The following ASAH1 variants were observed in gnomAD, a reference collection of about 807,000 sequenced individuals.
ASAH1 encodes the protein N-acylsphingosine amidohydrolase 1, also known as acid ceramidase.
Under a neutral mutation model 59.5 loss-of-function variants are expected in ASAH1, and 70 were observed. That is an observed-to-expected ratio of 1.18 (90% CI 0.97 to 1.43). The LOEUF is 1.43. Ranked by LOEUF, ASAH1 falls within the 40% of genes most tolerant of loss-of-function variation. The pLI is 0.00. For synonymous variants in ASAH1, 213 were observed against 166.5 expected (o/e 1.28, Z -2.15); for missense variants, 660 against 482.5 (o/e 1.37, Z -3.45).
chr8:18,069,672 G>C, intron 4 of ASAH1, 120 bp downstream of exon 4: 1 of 707,180 alleles, frequency 1.4e-6, no homozygotes, highest in East Asian at 2.7e-5. Context: ...CTGACAGTGA[G>C]CTAGATTCAT....
At chr8:18,064,431 CCCA>C in intron 6 of ASAH1, 23 bp downstream of exon 6, 21 of 1,178,122 alleles carry the variant, frequency 1.8e-5, no homozygotes, top group Non-Finnish European at 2.4e-5. Context: ...CTTCATGCTG[CCCA>C]CCCTCCCTCA....
rs1800712120 is a variant in ASAH1 at position 18,082,823 on chromosome 8, T to C, written c.78+1158A>G. Among the ~76,000 whole-genome samples, 6 of 152,152 alleles carry C rather than the reference T, an allele frequency of 3.9e-5. 1 individual carries two copies. In the South Asian group the frequency reaches 1.2e-3, roughly 32 times the overall value. On this transcript the variant is annotated intron_variant, in intron 1 of 13. Coordinates refer to ENST00000637790, the MANE Select transcript of ASAH1 (RefSeq NM_177924.5). The stretch of plus-strand genomic sequence containing the variant: ...GTCTTTCAATGAAGGGCCCTGACAG[T>C]ATCAAAGTATCAAAGTCTCTCCCAA...
rs1799477216 is a variant in ASAH1, at chr8:18,056,541, C to T, written c.*993G>A. Reference sequence around the variant, plus strand: ...CAAACGGTCTTGCACAAATGACGTACATTTCACAGTTAATCGTGAAGGTTA... The same window carrying T: ...CAAACGGTCTTGCACAAATGACGTATATTTCACAGTTAATCGTGAAGGTTA... On this transcript the variant is annotated 3_prime_UTR_variant, in exon 14 of 14. Transcript: ENST00000637790. 6.6e-6 allele frequency: 1 copy of T among 152,210 alleles called. No individual in the cohort carries two copies. Among genetic ancestry groups the T allele is most frequent in the Non-Finnish European group, 1.5e-5 (1 of 68,042 alleles). 9.4% of individuals were successfully genotyped at this position (152,210 alleles called of 1,614,324 possible). A position where few individuals can be genotyped will look rare whatever the true frequency, so the allele number is the denominator to read the frequency against.
chr8:18,057,790 T>C lies in ASAH1; in HGVS notation c.1099-167A>G, dbSNP rs73581671. The C allele has an allele frequency of 0.083, 18,104 of 217,740 alleles. 2,505 individuals are homozygous for C. The highest frequency in any genetic ancestry group is 0.32 in the African/African-American group (13,847 of 43,494). The allele number at this position is 217,740 out of a possible 1,614,324, so 13.5% of individuals were successfully genotyped here. A position where few individuals can be genotyped will look rare whatever the true frequency, so the allele number is the denominator to read the frequency against. ...TATATAATGTATATATTTATATTAA[T>C]ATAGTATAATCATATAAAATTAGCT... On this transcript the variant is annotated intron_variant, in intron 13 of 13. Transcript: ENST00000637790.
rs188349920 is a variant in ASAH1 at position 18,064,652 on chromosome 8, T to C, written c.383-121A>G. On this transcript the variant is annotated intron_variant, in intron 5 of 13. Transcript: ENST00000637790. ...GTGTGTGCTTTGGCCAGTGGGGCTG[T>C]GCTGGAACGGCCGGCTGGAGGTGGT... 1,486 of 668,032 alleles carry C rather than the reference T, an allele frequency of 2.2e-3. 22 individuals carry two copies. The African/African-American group carries it at 0.024, about 11-fold the overall frequency. 41.4% of individuals were successfully genotyped at this position (668,032 alleles called of 1,614,324 possible). A position where few individuals can be genotyped will look rare whatever the true frequency, so the allele number is the denominator to read the frequency against.
chr8:18,061,384 T>C lies in ASAH1; in HGVS notation c.778A>G (p.Ser260Gly), dbSNP rs1490892722. 3 of 1,610,840 alleles carry C rather than the reference T, an allele frequency of 1.9e-6. No homozygotes were observed. Among genetic ancestry groups the C allele is most frequent in the East Asian group, 2.2e-5 (1 of 44,872 alleles). The part of the protein sequence containing the change: ...GFLTRTVLEN[S>G]TSYEEAKNLL... ...AGCAACGAAACACTTTACCTTGTGC[T>C]ATTTTCCAGAACTGTTCTAGTGAGG... Residue 260 changes from serine (S) to glycine (G), a missense_variant, in exon 10 of 14, where the codon AGC (serine) becomes GGC (glycine). Physicochemically the swap from Ser to Gly is moderately conservative, Grantham distance 56. Transcript: ENST00000637790.
At chr8:18,067,113 TATATCTAAGACATACAGCACCTGTGC>T in intron 5 of ASAH1, 81 bp downstream of exon 5, 5 of 513,104 alleles carry the variant, frequency 9.7e-6, no homozygotes, top group Non-Finnish European at 1.3e-5. Context: ...ACCTGTGCTG[TATATCTAAGACATACAGCACCTGTGC>T]TGTATGTATA....
rs1799484178 is a variant in ASAH1, at chr8:18,056,718, T to C, written c.*816A>G. On this transcript the variant is annotated 3_prime_UTR_variant, in exon 14 of 14. Coordinates refer to ENST00000637790, the MANE Select transcript of ASAH1 (RefSeq NM_177924.5). ...AACCTGTTTATTACATGAATGCTACTTATGAGAATTTAAAATATGGGTTCA... is the reference window on the plus strand; with the variant it reads ...AACCTGTTTATTACATGAATGCTACCTATGAGAATTTAAAATATGGGTTCA... 6.6e-6 allele frequency: 1 copy of C among 152,218 alleles called. No homozygotes were observed. The highest frequency in any genetic ancestry group is 2.4e-5 in the African/African-American group (1 of 41,450). The allele number at this position is 152,218 out of a possible 1,614,324, so 9.4% of individuals were successfully genotyped here.
rs945239532 is a variant in ASAH1 at position 18,056,984 on chromosome 8, A to T, written c.*550T>A. 1 of 155,568 alleles carries T rather than the reference A, an allele frequency of 6.4e-6. No homozygotes were observed. Among genetic ancestry groups the T allele is most frequent in the Non-Finnish European group, 1.4e-5 (1 of 70,006 alleles). The allele number at this position is 155,568 out of a possible 1,614,324, so 9.6% of individuals were successfully genotyped here. ...CCCATTAAAAGAAATATACAGGTGA[A>T]TGTCTGTCTCATCCCTCTAATCATA... On this transcript the variant is annotated 3_prime_UTR_variant, in exon 14 of 14. Coordinates refer to ENST00000637790, the MANE Select transcript of ASAH1 (RefSeq NM_177924.5).
chr8:18,070,245 G>A (rs1800106815), intron 3 of ASAH1, among the ~76,000 whole-genome samples: 1 of 152,188 alleles, frequency 6.6e-6, no homozygotes. Flanking sequence ...TGCCTCCCGG[G>A]TTCAAGCGAT....
rs769278694 is a variant in ASAH1, at chr8:18,075,001, C to CTTTTTTTTTTT, written c.125+539_125+540insAAAAAAAAAAA. Among the ~76,000 whole-genome samples, 126 of 148,514 alleles carry CTTTTTTTTTTT rather than the reference C, an allele frequency of 8.5e-4. 2 individuals are homozygous for CTTTTTTTTTTT. The highest frequency in any genetic ancestry group is 1.0e-3 in the Non-Finnish European group (68 of 67,192). ...ATTGAGTGGAGAATGAAAATCCTTT[C>CTTTTTTTTTTT]CTTTTTTTTTTTGAGACAGAGTCTC... On this transcript the variant is annotated intron_variant, in intron 2 of 13. Coordinates refer to ENST00000637790, the MANE Select transcript of ASAH1 (RefSeq NM_177924.5).
In ASAH1 at chr8:18,065,882, TTGTGTGTGTGTG is replaced by T. The variant is rs71215300; in HGVS notation, c.382+1326_382+1337del. ...ACCTGATTGTATATACAGATACACA[TTGTGTGTGTGTG>T]TGTGTGTGTGTGTGTGTATATATAT... On this transcript the variant is annotated intron_variant, in intron 5 of 13. Transcript: ENST00000637790. 1.3e-4 allele frequency: 18 copies of T among 143,644 alleles called. No individual in the cohort carries two copies. In the South Asian group the frequency reaches 3.5e-3, roughly 28 times the overall value. The allele number at this position is 143,644 out of a possible 1,614,324, so 8.9% of individuals were successfully genotyped here.
At chr8:18,084,761 G>C, upstream of ASAH1, 1 of 1,613,676 alleles carries the variant, frequency 6.2e-7, no homozygotes. Context: ...GGCCCGGTGG[G>C]ACCCGCGAGC....
intron 1 of ASAH1, among the ~76,000 whole-genome samples, chr8:18,078,983 T>G (rs1800528706): frequency 6.6e-6 from 1 of 152,090 alleles, no homozygotes; most frequent in South Asian, 2.1e-4. Context: ...TCAATGCATT[T>G]GAAACTCTCT....
At chr8:18,084,256 G>A (rs1800797211), upstream of ASAH1, 2 of 1,457,264 alleles carry the variant, frequency 1.4e-6, no homozygotes, top group Non-Finnish European at 1.8e-6. Context: ...AAAGGGTGGC[G>A]TAGAGAAAGA....
chr8:18,073,422 G>C, intron 2 of ASAH1: 1 of 871,898 alleles, frequency 1.1e-6, no homozygotes, highest in African/African-American at 1.7e-5. Context: ...CAATGTCCAT[G>C]CCATTCATAA....
intron 11 of ASAH1, 30 bp downstream of exon 11, chr8:18,059,542 T>C: frequency 1.2e-6 from 2 of 1,614,218 alleles, no homozygotes; most frequent in East Asian, 2.2e-5. Context: ...CTTTTGTTTC[T>C]ACTTCTTTTG....
chr8:18,062,395 T>C lies in ASAH1; in HGVS notation c.532A>G (p.Ile178Val), dbSNP rs566970608. 1 of 1,614,174 alleles carries C rather than the reference T, an allele frequency of 6.2e-7. No individual in the cohort carries two copies. The highest frequency in any genetic ancestry group is 8.5e-7 in the Non-Finnish European group (1 of 1,180,012). The change falls in exon 8 of 14, where the codon ATA becomes GTA. Residue 178 changes from isoleucine to valine, a missense_variant. Coordinates refer to ENST00000637790, the MANE Select transcript of ASAH1 (RefSeq NM_177924.5). ...GWNINNDTWV[I>V]TEQLKPLTVN... is the part of the protein sequence containing the mutation. ...GTTAAAGGTTTTAGTTGCTCAGTTA[T>C]GACCCAGGTATCATTATTTATGTTC... is the stretch of plus-strand genomic sequence containing the variant.
At chr8:18,058,984 C>G in intron 12 of ASAH1, 93 bp from the exon 13 acceptor site, 1 of 1,139,152 alleles carries the variant, frequency 8.8e-7, no homozygotes, top group Non-Finnish European at 1.3e-6. Context: ...CCAAGACATT[C>G]TTTAATCAAC....
Sources: allele counts gnomAD v4.1 joint callset (sites outside exome capture counted in the v4.1 genomes callset), GRCh38; gene constraint gnomAD v4.1.1; transcripts MANE v1.5; gene names NCBI Gene and HGNC (gene_info 2026-07-23, HGNC 2026-07-21).